Variants in MYO1E observed in about 807,000 individuals in gnomAD.
MYO1E encodes the protein myosin IE.
In MYO1E, 68 loss-of-function variants were observed where a neutral mutation model predicts 151.1. The observed-to-expected ratio is 0.45, with a 90% CI of 0.37 to 0.55. MYO1E has a LOEUF of 0.55. MYO1E is among the 20% of genes least tolerant of loss of function. The pLI, the probability that MYO1E is intolerant of heterozygous loss-of-function variation, is 0.00. For missense variants in MYO1E, 1,363 were observed against 1,389.3 expected (o/e 0.98, Z 0.30); for synonymous variants, 601 against 501.7 (o/e 1.20, Z -2.64).
intron 2 of MYO1E, chr15:59,266,742 A>T (rs1312411286): frequency 6.8e-6 from 1 of 146,570 alleles, no homozygotes. Flanking sequence ...GCTCATTGCA[A>T]GCTCCGCCTC....
chr15:59,218,301 T>C (rs1726688742), intron 9 of MYO1E: 1 of 679,694 alleles, frequency 1.5e-6, no homozygotes, highest in Non-Finnish European at 2.7e-6. Flanking sequence ...TTTTATGACA[T>C]GAGTCAATTC....
intron 4 of MYO1E, 93 bp from the exon 5 acceptor site, chr15:59,236,765 C>CAAAAAAAA: frequency 8.5e-7 from 1 of 1,173,874 alleles, no homozygotes; most frequent in South Asian, 1.3e-5. Context: ...AACAAACAAA[C>CAAAAAAAA]AAAAAAACAA....
intron 1 of MYO1E, among the ~76,000 whole-genome samples, chr15:59,331,574 C>A (rs1020028724): frequency 6.6e-6 from 1 of 152,150 alleles, no homozygotes; most frequent in Admixed American, 6.5e-5. Context: ...TCAACACCAG[C>A]CCCAAATTGT....
chr15:59,277,557 A>ACAACAACAACAAC (rs879769207), intron 1 of MYO1E, among the ~76,000 whole-genome samples: 17 of 46,602 alleles, frequency 3.6e-4, no homozygotes, highest in South Asian at 8.8e-4. Context: ...ACAAAAAAAA[A>ACAACAACAACAAC]AAAAAAAAAA....
intron 16 of MYO1E, among the ~76,000 whole-genome samples, chr15:59,195,958 T>C (rs1022310263): frequency 6.6e-6 from 1 of 152,214 alleles, no homozygotes; most frequent in African/African-American, 2.4e-5. Context: ...AGATATATTG[T>C]TCTCATTAAC....
chr15:59,194,607 T>C (rs191292339), intron 17 of MYO1E, among the ~76,000 whole-genome samples: 56 of 152,336 alleles, frequency 3.7e-4, no homozygotes, highest in African/African-American at 1.3e-3. Flanking sequence ...GTAGCAATTC[T>C]GGTAGGCTCC....
Position 59,136,409 on chromosome 15 carries a change from G to A in MYO1E, c.*971C>T, listed in dbSNP as rs940239271. On this transcript the variant is annotated 3_prime_UTR_variant, in exon 28 of 28. Coordinates refer to ENST00000288235, the MANE Select transcript of MYO1E (RefSeq NM_004998.4). ...TATTTAGGAGGTGGGGGCAGGACGC[G>A]GAGTAAGTTTCCTATAGGGAAAGAG... 1.1e-4 allele frequency: 20 copies of A among 177,536 alleles called. No homozygotes were observed. The highest frequency in any genetic ancestry group is 4.4e-4 in the Admixed American group (8 of 18,000). 11.0% of individuals were successfully genotyped at this position (177,536 alleles called of 1,614,324 possible). A position where few individuals can be genotyped will look rare whatever the true frequency, so the allele number is the denominator to read the frequency against.
chr15:59,190,404 G>A (rs867717762), intron 17 of MYO1E, among the ~76,000 whole-genome samples: 1 of 152,172 alleles, frequency 6.6e-6, no homozygotes, highest in Admixed American at 6.5e-5. Flanking sequence ...TCCTCATTCC[G>A]ATGTCACGCA....
intron 1 of MYO1E, among the ~76,000 whole-genome samples, chr15:59,355,103 T>C (rs530409845): frequency 6.6e-5 from 10 of 152,246 alleles, no homozygotes; most frequent in Non-Finnish European, 1.2e-4. Flanking sequence ...TGGGCACTTT[T>C]GGTCTAGTGG....
In MYO1E at chr15:59,342,142, C is replaced by A. The variant is rs570051755; in HGVS notation, c.3+30356G>T. Reference sequence around the variant, plus strand: ...TCTGATTTTCAGTGGTGTTGAGCACCTTTTCATACACCTGTTTGCCATTTG... The same window carrying A: ...TCTGATTTTCAGTGGTGTTGAGCACATTTTCATACACCTGTTTGCCATTTG... On this transcript the variant is annotated intron_variant, in intron 1 of 27. Coordinates refer to ENST00000288235, the MANE Select transcript of MYO1E (RefSeq NM_004998.4). Among the ~76,000 whole-genome samples the A allele has an allele frequency of 3.9e-5, 6 of 152,240 alleles. No individual in the cohort carries two copies. The East Asian group carries it at 1.2e-3, about 29-fold the overall frequency.
chr15:59,138,812 C>T (rs1260295975), intron 26 of MYO1E, among the ~76,000 whole-genome samples: 7 of 152,140 alleles, frequency 4.6e-5, no homozygotes, highest in African/African-American at 1.4e-4. Context: ...TTTGTATTAA[C>T]CATTCTCTGG....
rs1486808730 is a variant in MYO1E at position 59,153,616 on chromosome 15, G to A, written c.3054C>T (p.Leu1018=). 1.2e-6 allele frequency: 2 copies of A among 1,614,072 alleles called. No individual in the cohort carries two copies. The highest frequency in any genetic ancestry group is 1.7e-6 in the Non-Finnish European group (2 of 1,180,044). The change falls in exon 26 of 28, where the codon CTC becomes CTT. Residue 1018 remains leucine (L), a synonymous_variant. Coordinates refer to ENST00000288235, the MANE Select transcript of MYO1E (RefSeq NM_004998.4). ...VSQTPESLDF[L]KVPDQGAAGV... ...CTGCAGCTCCCTGGTCCGGGACCTTGAGGAAATCCAGGCTCTCTGGCGTCT... is the reference window on the plus strand; with the variant it reads ...CTGCAGCTCCCTGGTCCGGGACCTTAAGGAAATCCAGGCTCTCTGGCGTCT...
In MYO1E at chr15:59,202,582, G is replaced by A. The variant is rs1171545530; in HGVS notation, c.1617-175C>T. Among the ~76,000 whole-genome samples the A allele has an allele frequency of 3.3e-5, 5 of 152,208 alleles. No homozygotes were observed. The East Asian group carries it at 7.7e-4, about 23-fold the overall frequency. ...GATGTGACTTGGGGAAATGAACAACGGACAAAAGTCATGAAGGGAAAGAAT... is the reference window on the plus strand; with the variant it reads ...GATGTGACTTGGGGAAATGAACAACAGACAAAAGTCATGAAGGGAAAGAAT... On this transcript the variant is annotated intron_variant, in intron 15 of 27. Transcript: ENST00000288235.
rs1302728520 is a variant in MYO1E, at chr15:59,194,643, G to A, written c.1805+818C>T. Among the ~76,000 whole-genome samples the A allele has an allele frequency of 5.3e-5, 8 of 152,300 alleles. No homozygotes were observed. The South Asian group carries it at 6.2e-4, about 12-fold the overall frequency. ...CATCCTGGGACTGATACTAGGTGAC[G>A]ATGGCTAGGGTCCTCTCTGTAGTTT... On this transcript the variant is annotated intron_variant, in intron 17 of 27. Transcript: ENST00000288235.
chr15:59,235,015 C>T (rs1364161982), intron 5 of MYO1E, among the ~76,000 whole-genome samples: 4 of 152,106 alleles, frequency 2.6e-5, no homozygotes, highest in South Asian at 4.2e-4. Flanking sequence ...GACCTTAGCT[C>T]GCCATCACCC....
At position 59,223,304 on chromosome 15, in the gene MYO1E, C is replaced by T. The variant is rs146693288; in HGVS notation, c.778-113G>A. ...TAAATAAGGATGTGACAAGTACAGA[C>T]GAGTTACAAAGAAAAAAAAAAAAAA... On this transcript the variant is annotated intron_variant, in intron 8 of 27. Transcript: ENST00000288235. 1.2e-4 allele frequency: 147 copies of T among 1,187,988 alleles called. No individual in the cohort carries two copies. The African/African-American group carries it at 1.7e-3, about 14-fold the overall frequency. The allele number at this position is 1,187,988 out of a possible 1,614,324, so 73.6% of individuals were successfully genotyped here.
chr15:59,366,487 G>A (rs531105856), intron 1 of MYO1E, among the ~76,000 whole-genome samples: 1 of 151,894 alleles, frequency 6.6e-6, no homozygotes, highest in Non-Finnish European at 1.5e-5. Flanking sequence ...AGGCCTGAAC[G>A]ACCACACCCG....
chr15:59,229,056 C>T (rs577818795), intron 6 of MYO1E, among the ~76,000 whole-genome samples: 2 of 152,296 alleles, frequency 1.3e-5, no homozygotes, highest in African/African-American at 2.4e-5. Context: ...AGAGAGCTCC[C>T]GTGCTTCCTT....
chr15:59,178,556 G>A lies in MYO1E; in HGVS notation c.1905-19C>T. 7 of 1,613,446 alleles carry A rather than the reference G, an allele frequency of 4.3e-6. No individual in the cohort carries two copies. Among genetic ancestry groups the A allele is most frequent in the Non-Finnish European group, 5.9e-6 (7 of 1,179,514 alleles). ...GGCATACCTGTGGGGACATTGGGGA[G>A]AAGAGAATCACACTTGGGCGGGACC... On this transcript the variant is annotated intron_variant, in intron 18 of 27. Transcript: ENST00000288235.
Sources: allele counts gnomAD v4.1 joint callset (sites outside exome capture counted in the v4.1 genomes callset), GRCh38; gene constraint gnomAD v4.1.1; transcripts MANE v1.5; gene names NCBI Gene and HGNC (gene_info 2026-07-23, HGNC 2026-07-21).